Variants in CERK observed in about 807,000 individuals in gnomAD.
The protein encoded by CERK is acylsphingosine kinase.
A neutral mutation model predicts 63.4 loss-of-function variants in CERK; 39 were observed. The observed-to-expected ratio is 0.61, with a 90% CI of 0.48 to 0.80. CERK has a LOEUF of 0.80. Ranked by LOEUF, CERK falls within the 30% of genes least tolerant of loss-of-function variation. The probability of loss-of-function intolerance (pLI) is 0.00; values close to 1 mark genes in which losing one functional copy is unlikely to be tolerated. For missense variants in CERK, 670 were observed against 714.1 expected (o/e 0.94, Z 0.70); for synonymous variants, 302 against 280.0 (o/e 1.08, Z -0.78).
intron 12 of CERK, 67 bp from the exon 13 acceptor site, chr22:46,687,273 TCCTGGACAGGG>T: frequency 8.6e-7 from 1 of 1,162,138 alleles, no homozygotes; most frequent in Non-Finnish European, 1.2e-6. Context: ...TGAGCCCCAC[TCCTGGACAGGG>T]GCTGCAGTAA....
chr22:46,687,160 T>G lies in CERK; in HGVS notation c.1588A>C (p.Asn530His). 7.4e-6 allele frequency: 12 copies of G among 1,614,192 alleles called. No homozygotes were observed. Among genetic ancestry groups the G allele is most frequent in the Non-Finnish European group, 1.0e-5 (12 of 1,180,036 alleles). ...VRLFARGIEE[N>H]PKPDSHS is the part of the protein sequence containing the mutation. ...CAGCTGTGTGAGTCTGGCTTCGGAT[T>G]CTCTTCAATTCCTCGTGCAAAGAGT... Residue 530 changes from asparagine to histidine, a missense_variant, in exon 13 of 13, where the codon AAT (asparagine) becomes CAT (histidine). Coordinates refer to ENST00000216264, the MANE Select transcript of CERK (RefSeq NM_022766.6).
intron 1 of CERK, among the ~76,000 whole-genome samples, chr22:46,733,551 C>G (rs1231185508): frequency 1.3e-5 from 2 of 151,508 alleles, no homozygotes; most frequent in African/African-American, 4.8e-5. Context: ...GCCTCGGCCT[C>G]CCAAAGTGCT....
chr22:46,699,557 G>T (rs2082773312), intron 7 of CERK, 92 bp from the exon 8 acceptor site: 1 of 1,211,680 alleles, frequency 8.3e-7, no homozygotes, highest in Non-Finnish European at 1.2e-6. Flanking sequence ...GCAAACGTGG[G>T]AGTTACTTTT....
intron 9 of CERK, among the ~76,000 whole-genome samples, chr22:46,694,778 G>A (rs1369165200): frequency 1.3e-5 from 2 of 152,194 alleles, no homozygotes; most frequent in African/African-American, 4.8e-5. Flanking sequence ...TGCTGAGAGT[G>A]CACACTTCAG....
At chr22:46,699,130 C>T (rs1244809379) in intron 8 of CERK, among the ~76,000 whole-genome samples, 183 bp downstream of exon 8, 1 of 151,960 alleles carries the variant, frequency 6.6e-6, no homozygotes, top group Non-Finnish European at 1.5e-5. Context: ...TAGAGCAATC[C>T]AGGTTCCAGT....
chr22:46,736,569 C>T (rs2082974723), intron 1 of CERK, among the ~76,000 whole-genome samples: 1 of 152,226 alleles, frequency 6.6e-6, no homozygotes, highest in South Asian at 2.1e-4. Flanking sequence ...AGTACAAACC[C>T]TTCGGGCCCA....
intron 1 of CERK, among the ~76,000 whole-genome samples, chr22:46,732,646 G>C (rs1456703023): frequency 1.3e-5 from 2 of 148,966 alleles, no homozygotes; most frequent in Non-Finnish European, 1.5e-5. Context: ...AAACACCCTA[G>C]CAGTTCCCAC....
At chr22:46,718,465 G>T (rs1050787513) in intron 3 of CERK, among the ~76,000 whole-genome samples, 3 of 152,174 alleles carry the variant, frequency 2.0e-5, no homozygotes, top group Non-Finnish European at 4.4e-5. Flanking sequence ...ACATGCAGAG[G>T]AACGGGGCTT....
At chr22:46,718,231 C>T (rs1351396906) in intron 3 of CERK, among the ~76,000 whole-genome samples, 2 of 151,884 alleles carry the variant, frequency 1.3e-5, no homozygotes, top group African/African-American at 4.9e-5. Context: ...AAAATGAACC[C>T]ACATTCTCCA....
chr22:46,736,100 G>A (rs2082971735), intron 1 of CERK, among the ~76,000 whole-genome samples: 1 of 152,206 alleles, frequency 6.6e-6, no homozygotes, highest in Admixed American at 6.5e-5. Context: ...CAAGCTCCTG[G>A]CAGGCCAGTC....
In CERK at chr22:46,691,678, G is replaced by A. The variant is rs200461233; in HGVS notation, c.1226C>T (p.Pro409Leu). 1.3e-4 allele frequency: 209 copies of A among 1,613,954 alleles called. No homozygotes were observed. The highest frequency in any genetic ancestry group is 1.7e-4 in the African/African-American group (13 of 75,040). The stretch of plus-strand genomic sequence containing the variant: ...AGACCCGTCTCCCAAGTGGGCAGCC[G>A]GGGAGAGGCCCCTGGGGCTCCGGCG... The part of the protein sequence containing the change: ...ACRRSPRGLS[P>L]AAHLGDGSSD... The change falls in exon 11 of 13, where the codon CCG (proline) becomes CTG (leucine). Residue 409 changes from proline to leucine, a missense_variant. Transcript: ENST00000216264.
At chr22:46,701,929 C>G (rs2082786673) in intron 6 of CERK, among the ~76,000 whole-genome samples, 1 of 152,232 alleles carries the variant, frequency 6.6e-6, no homozygotes, top group East Asian at 1.9e-4. Context: ...GCCTGTCATC[C>G]CAGCACTTTG....
At chr22:46,689,872 T>A in intron 12 of CERK, 120 bp downstream of exon 12, 1 of 649,008 alleles carries the variant, frequency 1.5e-6, no homozygotes, top group South Asian at 2.1e-5. Context: ...TTATAAAACA[T>A]TCTTACGTTT....
intron 1 of CERK, among the ~76,000 whole-genome samples, chr22:46,729,256 T>A (rs568148899): frequency 5.8e-4 from 89 of 152,240 alleles, no homozygotes; most frequent in African/African-American, 2.1e-3. Flanking sequence ...TTCCAGCTAC[T>A]TGAGAGGCTG....
At chr22:46,693,020 G>T (rs761430727) in intron 10 of CERK, among the ~76,000 whole-genome samples, 53 of 151,826 alleles carry the variant, frequency 3.5e-4, no homozygotes, top group Non-Finnish European at 5.4e-4. Flanking sequence ...AAGTTTCATC[G>T]GCAGATGGCC....
At chr22:46,722,378 C>A (rs1180966971) in intron 1 of CERK, among the ~76,000 whole-genome samples, 4 of 152,006 alleles carry the variant, frequency 2.6e-5, no homozygotes, top group African/African-American at 9.7e-5. Flanking sequence ...TGAAGTGAAG[C>A]CAGCCCCAGG....
chr22:46,700,993 AC>A (rs2082780733), intron 7 of CERK, among the ~76,000 whole-genome samples: 1 of 152,074 alleles, frequency 6.6e-6, no homozygotes, highest in Non-Finnish European at 1.5e-5. Context: ...CCTGGGGACA[AC>A]TGGGAAACTC....
chr22:46,696,621 C>T (rs1048240617), intron 8 of CERK, among the ~76,000 whole-genome samples: 7 of 152,348 alleles, frequency 4.6e-5, no homozygotes, highest in South Asian at 2.1e-4. Flanking sequence ...CATTTCCACA[C>T]GCTCATTCTC....
intron 7 of CERK, among the ~76,000 whole-genome samples, chr22:46,701,249 G>T (rs1007818055): frequency 3.3e-5 from 5 of 152,270 alleles, no homozygotes; most frequent in African/African-American, 1.2e-4. Context: ...ACAGCTGGCA[G>T]CCCAGGCACA....
Sources: gnomAD v4.1 joint callset for allele counts (sites outside exome capture counted in the v4.1 genomes callset) on GRCh38, gnomAD v4.1.1 for gene constraint, MANE v1.5 for transcripts, NCBI Gene and HGNC (gene_info 2026-07-23, HGNC 2026-07-21) for gene names.